IMMT: variants seen among roughly 807,000 people sequenced by gnomAD.
IMMT encodes the protein MICOS complex subunit MIC60.
A neutral mutation model predicts 92.7 loss-of-function variants in IMMT; 40 were observed. The observed-to-expected ratio is 0.43, with a 90% confidence interval of 0.34 to 0.56. The LOEUF (loss-of-function observed/expected upper bound fraction) is 0.56. Ranked by LOEUF, IMMT falls within the 20% of genes least tolerant of loss-of-function variation. IMMT has a pLI of 0.03. For synonymous variants in IMMT, 322 were observed against 336.1 expected, an observed-to-expected ratio of 0.96 and a Z score of 0.46; for missense variants, 831 against 912.1, an observed-to-expected ratio of 0.91 and a Z score of 1.14.
At chr2:86,171,539 C>T (rs1677082051) in intron 4 of IMMT, 194 bp from the exon 5 acceptor site, 4 of 566,716 alleles carry the variant, frequency 7.1e-6, no homozygotes, top group African/African-American at 5.6e-5. Context: ...ACAAAATGGA[C>T]AATGGTTGGG....
At chr2:86,187,702 G>T (rs1672864818) in intron 1 of IMMT, among the ~76,000 whole-genome samples, 1 of 151,984 alleles carries the variant, frequency 6.6e-6, no homozygotes, top group South Asian at 2.1e-4. Context: ...CCTGAGGTTG[G>T]GAATTCGAGA....
intron 2 of IMMT, among the ~76,000 whole-genome samples, chr2:86,180,396 G>T (rs1333819974): frequency 6.6e-6 from 1 of 151,754 alleles, no homozygotes; most frequent in Non-Finnish European, 1.5e-5. Flanking sequence ...CTCCCGAGTA[G>T]CTGGGATTAC....
At position 86,158,584 on chromosome 2, in the gene IMMT, G is replaced by C; in HGVS notation, c.1162+8C>G. On this transcript the variant is annotated splice_region_variant and intron_variant, in intron 10 of 14. Coordinates refer to ENST00000410111, the MANE Select transcript of IMMT (RefSeq NM_006839.3). ...TCAAAAAAAAAACATTACTTCAGTT[G>C]TACTCACTCATTCCTTTCCACCCAG... 2 of 1,589,692 alleles carry C rather than the reference G, an allele frequency of 1.3e-6. No individual in the cohort carries two copies. The highest frequency in any genetic ancestry group is 1.7e-6 in the Non-Finnish European group (2 of 1,164,702).
intron 1 of IMMT, among the ~76,000 whole-genome samples, chr2:86,182,961 G>T (rs1672533907): frequency 6.6e-6 from 1 of 151,760 alleles, no homozygotes; most frequent in Non-Finnish European, 1.5e-5. Context: ...CAACATTTTT[G>T]AACCATTTTT....
chr2:86,191,409 C>G (rs1673109044), intron 1 of IMMT, among the ~76,000 whole-genome samples: 1 of 151,400 alleles, frequency 6.6e-6, no homozygotes, highest in Non-Finnish European at 1.5e-5. Context: ...GTTGAGGGCT[C>G]AAAAACAACA....
chr2:86,176,731 A>C lies in IMMT; in HGVS notation c.309+2702T>G, dbSNP rs188924761. Among the ~76,000 whole-genome samples the C allele has an allele frequency of 1.5e-3, 232 of 152,334 alleles. 2 individuals carry two copies. Among genetic ancestry groups the C allele is most frequent in the African/African-American group, 5.4e-3 (224 of 41,564 alleles). On this transcript the variant is annotated intron_variant, in intron 3 of 14. Transcript: ENST00000410111. ...AAGGTAGCTAAAGTGGAGTGAGGAG[A>C]GGCCAAGGCTATTTGGAGAGATAAA...
In IMMT at chr2:86,147,562, T is replaced by C. The variant is rs1366469319; in HGVS notation, c.1533+140A>G. The C allele has an allele frequency of 9.0e-6, 6 of 666,172 alleles. No homozygotes were observed. The South Asian group carries it at 1.1e-4, about 13-fold the overall frequency. 41.3% of individuals were successfully genotyped at this position (666,172 alleles called of 1,614,324 possible). A position where few individuals can be genotyped will look rare whatever the true frequency, so the allele number is the denominator to read the frequency against. ...TGATCATGAACACACAGGTACACCA[T>C]TATGTAAAAAGAAGCAGTTTTGTAG... On this transcript the variant is annotated intron_variant, in intron 13 of 14. Transcript: ENST00000410111.
At position 86,144,124 on chromosome 2, in the gene IMMT, A is replaced by G. The variant is rs1674807890; in HGVS notation, c.*144T>C. 3 of 832,624 alleles carry G rather than the reference A, an allele frequency of 3.6e-6. No individual in the cohort carries two copies. The South Asian group carries it at 5.5e-5, about 15-fold the overall frequency. 51.6% of individuals were successfully genotyped at this position (832,624 alleles called of 1,614,324 possible). ...ATGATAGCAAATGGAAAGAATATAA[A>G]TGCAACAGGTGTTAACATTTAGAAC... On this transcript the variant is annotated 3_prime_UTR_variant, in exon 15 of 15. Coordinates refer to ENST00000410111, the MANE Select transcript of IMMT (RefSeq NM_006839.3).
chr2:86,195,289 C>T (rs1286894131), intron 1 of IMMT, 49 bp downstream of exon 1: 1 of 1,464,926 alleles, frequency 6.8e-7, no homozygotes, highest in South Asian at 1.3e-5. Context: ...TTTTCGCTGA[C>T]GGTTCTAGTT....
At chr2:86,195,229 T>C in intron 1 of IMMT, 109 bp downstream of exon 1, 2 of 1,238,372 alleles carry the variant, frequency 1.6e-6, no homozygotes, top group African/African-American at 1.6e-5. Context: ...AGGGTGGCCC[T>C]GAGGCTCGCC....
intron 3 of IMMT, among the ~76,000 whole-genome samples, chr2:86,177,967 T>C (rs1480425090): frequency 6.6e-6 from 1 of 152,202 alleles, no homozygotes; most frequent in African/African-American, 2.4e-5. Context: ...AGAGCACTTA[T>C]GGGACTCCAA....
intron 8 of IMMT, 46 bp from the exon 9 acceptor site, chr2:86,159,717 G>A (rs373393817): frequency 4.7e-6 from 7 of 1,481,620 alleles, no homozygotes; most frequent in Non-Finnish European, 6.3e-6. Context: ...CTTGTCAACT[G>A]TATTAAAAAG....
In IMMT at chr2:86,180,002, G is replaced by A. The variant is rs532624161; in HGVS notation, c.120-380C>T. Among the ~76,000 whole-genome samples the A allele has an allele frequency of 1.8e-4, 27 of 152,140 alleles. No homozygotes were observed. The South Asian group carries it at 5.4e-3, about 30-fold the overall frequency. On this transcript the variant is annotated intron_variant, in intron 2 of 14. Transcript: ENST00000410111. ...CGAGGTAGGAGGAATGCTTAAGACT[G>A]GGAGATGAAGGCTGCTGTGAGCCAT...
At chr2:86,158,495 C>A in intron 10 of IMMT, 97 bp downstream of exon 10, 1 of 994,116 alleles carries the variant, frequency 1.0e-6, no homozygotes. Flanking sequence ...GCATGCATGC[C>A]AGAGGGATGT....
chr2:86,155,522 A>AAT (rs1315877531), intron 10 of IMMT, among the ~76,000 whole-genome samples: 1 of 152,236 alleles, frequency 6.6e-6, no homozygotes, highest in African/African-American at 2.4e-5. Context: ...CAAATAAGTT[A>AAT]ATATATGTGA....
chr2:86,145,451 C>T (rs948685369), intron 14 of IMMT, among the ~76,000 whole-genome samples: 6 of 136,784 alleles, frequency 4.4e-5, no homozygotes, highest in Non-Finnish European at 9.1e-5. Context: ...GTCGATATCA[C>T]ACCACTGCAC....
chr2:86,187,981 A>T (rs1227808443), intron 1 of IMMT, among the ~76,000 whole-genome samples: 1 of 151,474 alleles, frequency 6.6e-6, no homozygotes, highest in Non-Finnish European at 1.5e-5. Context: ...ACCATTTTAC[A>T]TTCCCACTAG....
rs560562304 is a variant in IMMT, at chr2:86,188,465, C to T, written c.45+6873G>A. On this transcript the variant is annotated intron_variant, in intron 1 of 14. Coordinates refer to ENST00000410111, the MANE Select transcript of IMMT (RefSeq NM_006839.3). ...TGGAGACAGCATCTCACTCTGTCACCGAGACTGGAGTGCTGTGGCACCATC... is the reference window on the plus strand; with the variant it reads ...TGGAGACAGCATCTCACTCTGTCACTGAGACTGGAGTGCTGTGGCACCATC... Among the ~76,000 whole-genome samples, 28 of 152,200 alleles carry T rather than the reference C, an allele frequency of 1.8e-4. No homozygotes were observed. The East Asian group carries it at 4.6e-3, about 25-fold the overall frequency.
At chr2:86,192,120 G>A (rs1001783550) in intron 1 of IMMT, among the ~76,000 whole-genome samples, 2 of 152,096 alleles carry the variant, frequency 1.3e-5, no homozygotes, top group South Asian at 4.1e-4. Flanking sequence ...TGTAGTCCCA[G>A]CTACTCAGGA....
Sources: allele counts gnomAD v4.1 joint callset (sites outside exome capture counted in the v4.1 genomes callset), GRCh38; gene constraint gnomAD v4.1.1; transcripts MANE v1.5; gene names NCBI Gene and HGNC (gene_info 2026-07-23, HGNC 2026-07-21).